The following ADGRG4 variants were observed in gnomAD, a reference collection of about 807,000 sequenced individuals.
ADGRG4 encodes adhesion G protein-coupled receptor G4.
ADGRG4 carries 122 observed loss-of-function variants against 126.2 expected under a neutral mutation model. The ratio of observed to expected loss-of-function variants is 0.97; its 90% CI spans 0.83 to 1.12. The LOEUF (loss-of-function observed/expected upper bound fraction) is 1.12. Among genes scored for constraint, ADGRG4 ranks in the 50% most tolerant of loss-of-function variants. ADGRG4 has a pLI of 0.00. For missense variants in ADGRG4, 2,481 were observed against 2,251.8 expected, an observed-to-expected ratio of 1.10 and a Z score of -2.06; for synonymous variants, 943 against 838.7, an observed-to-expected ratio of 1.12 and a Z score of -2.15.
chrX:136,390,078 T>G (rs779930555), intron 16 of ADGRG4, among the ~76,000 whole-genome samples: 10 of 111,987 alleles, frequency 8.9e-5, no homozygotes, highest in Non-Finnish European at 1.3e-4. Context: ...AAAGACAGGA[T>G]CTCGCTCTGC....
At chrX:136,409,690 C>A (rs992813101) in intron 23 of ADGRG4, among the ~76,000 whole-genome samples, 2 of 111,929 alleles carry the variant, frequency 1.8e-5, no homozygotes, top group Non-Finnish European at 3.8e-5. Context: ...CAGATTGCTG[C>A]CTCCCACCTG....
At position 136,405,713 on chromosome X, in the gene ADGRG4, T is replaced by C; in HGVS notation, c.8676T>C (p.Ser2892=). 1.7e-6 allele frequency: 2 copies of C among 1,174,059 alleles called. No individual in the cohort carries two copies. The highest frequency in any genetic ancestry group is 2.3e-6 in the Non-Finnish European group (2 of 872,246). Residue 2892 remains serine, a synonymous_variant, in exon 23 of 26, where the codon TCT becomes TCC. Coordinates refer to ENST00000394143, the MANE Select transcript of ADGRG4 (RefSeq NM_153834.4). ...ACAGTTGTTGGATTAAAGATGATTC[T>C]ATCTTTTACATCTCAGTGGTGGCTT... The part of the protein sequence containing the change: ...TTPFCWIKDD[S]IFYISVVAYF...
chrX:136,345,749 T>A lies in ADGRG4; in HGVS notation c.2043T>A (p.Asn681Lys), dbSNP rs764584377. 1.7e-6 allele frequency: 2 copies of A among 1,208,889 alleles called. No homozygotes were observed. The highest frequency in any genetic ancestry group is 1.8e-5 in the African/African-American group (1 of 57,027). ...TACTCACATTTGTGCCTAATGAAAA[T>A]TTTACATCAGCATTTCATGAGAATA... Reference protein sequence around the residue: ...TTILTFVPNENFTSAFHENTT... With the variant: ...TTILTFVPNEKFTSAFHENTT... The change falls in exon 6 of 26, where the codon AAT (asparagine) becomes AAA (lysine). Residue 681 changes from asparagine (N) to lysine (K), a missense_variant. Physicochemically the swap from Asn to Lys is moderately conservative, Grantham distance 94 (BLOSUM62 0). Transcript: ENST00000394143.
At chrX:136,360,530 G>A (rs2075121867) in intron 11 of ADGRG4, among the ~76,000 whole-genome samples, 2 of 110,923 alleles carry the variant, frequency 1.8e-5, no homozygotes, top group Non-Finnish European at 3.8e-5. Flanking sequence ...ATCACTTAAG[G>A]TCAAGAGTTT....
chrX:136,370,252 C>T (rs1382258546), intron 13 of ADGRG4, among the ~76,000 whole-genome samples: 1 of 112,083 alleles, frequency 8.9e-6, no homozygotes, highest in Non-Finnish European at 1.9e-5. Context: ...TGGAATTTTT[C>T]TTAACAAATG....
chrX:136,361,960 G>A (rs764163665), intron 12 of ADGRG4, among the ~76,000 whole-genome samples: 3 of 111,583 alleles, frequency 2.7e-5, no homozygotes, highest in African/African-American at 9.8e-5. Context: ...TATCAATAAT[G>A]TAATTTACCA....
intron 15 of ADGRG4, among the ~76,000 whole-genome samples, chrX:136,379,770 A>G (rs994736874): frequency 8.1e-5 from 9 of 110,693 alleles, no homozygotes; most frequent in African/African-American, 3.0e-4. Flanking sequence ...GTTGAATAAC[A>G]AGTCCCCATT....
Position 136,344,969 on chromosome X carries a change from A to C in ADGRG4, c.1263A>C (p.Lys421Asn). 1 of 1,211,006 alleles carries C rather than the reference A, an allele frequency of 8.3e-7. No homozygotes were observed. Among genetic ancestry groups the C allele is most frequent in the Non-Finnish European group, 1.1e-6 (1 of 894,986 alleles). The change falls in exon 6 of 26, where the codon AAA becomes AAC. Residue 421 changes from lysine to asparagine, a missense_variant. Physicochemically the swap from Lys to Asn is moderately conservative, Grantham distance 94. Transcript: ENST00000394143. Reference sequence around the variant, plus strand: ...CTACAACACCTTGTCTCAAACAAAAATCCACAAATACTGGGGCACTCCCTA... The same window carrying C: ...CTACAACACCTTGTCTCAAACAAAACTCCACAAATACTGGGGCACTCCCTA... Reference protein sequence around the residue: ...SMSTTPCLKQKSTNTGALPIS... With the variant: ...SMSTTPCLKQNSTNTGALPIS...
chrX:136,402,583 A>G (rs1569338415), intron 21 of ADGRG4, among the ~76,000 whole-genome samples: 1 of 111,722 alleles, frequency 9.0e-6, no homozygotes, highest in Non-Finnish European at 1.9e-5. Flanking sequence ...TTAGTCTAGG[A>G]GAAATACAAT....
chrX:136,387,847 T>C lies in ADGRG4; in HGVS notation c.7884T>C (p.Asn2628=), dbSNP rs777902582. 2 of 1,209,612 alleles carry C rather than the reference T, an allele frequency of 1.7e-6. No homozygotes were observed. The highest frequency in any genetic ancestry group is 3.5e-5 in the South Asian group (2 of 56,699). The change falls in exon 16 of 26, where the codon AAT becomes AAC. Residue 2628 remains asparagine (N), a synonymous_variant. Transcript: ENST00000394143. ...GCAACTTACAAACGATCTTGTTTAA[T>C]TTCTTTGGCCAAACTTCACTCTTTA... is the stretch of plus-strand genomic sequence containing the variant. ...PLSNLQTILF[N]FFGQTSLFKT...
chrX:136,368,019 T>C (rs918140063), intron 13 of ADGRG4, among the ~76,000 whole-genome samples: 2 of 111,770 alleles, frequency 1.8e-5, no homozygotes, highest in African/African-American at 6.5e-5. Context: ...CATTCCACCA[T>C]CAGGGCAGGA....
At chrX:136,356,492 G>T (rs1045156534) in intron 9 of ADGRG4, among the ~76,000 whole-genome samples, 21 of 111,947 alleles carry the variant, frequency 1.9e-4, no homozygotes, top group African/African-American at 5.8e-4. Context: ...TTGCAAGACT[G>T]GCATTCACAC....
intron 15 of ADGRG4, among the ~76,000 whole-genome samples, chrX:136,379,218 A>G (rs1273336767): frequency 9.0e-6 from 1 of 111,242 alleles, no homozygotes; most frequent in African/African-American, 3.3e-5. Flanking sequence ...GGATAGTTGT[A>G]TTTTTCTAAG....
Position 136,347,591 on chromosome X carries a change from A to C in ADGRG4, c.3885A>C (p.Glu1295Asp), listed in dbSNP as rs1255341299. Residue 1295 changes from glutamate to aspartate, a missense_variant, in exon 6 of 26, where the codon GAA becomes GAC. By Grantham distance (45) the Glu-to-Asp change is conservative. Transcript: ENST00000394143. ...ISYSRGTPSL[E>D]MTDTGFPETT... ...ACTCCCGGGGTACTCCATCTTTGGA[A>C]ATGACAGATACAGGATTTCCTGAGA... is the stretch of plus-strand genomic sequence containing the variant. 8.3e-7 allele frequency: 1 copy of C among 1,206,720 alleles called. No homozygotes were observed. The highest frequency in any genetic ancestry group is 1.1e-6 in the Non-Finnish European group (1 of 892,876).
At chrX:136,361,378 G>GTAA (rs1167737940) in intron 11 of ADGRG4, 77 bp from the exon 12 acceptor site, 1 of 344,638 alleles carries the variant, frequency 2.9e-6, no homozygotes, top group African/African-American at 2.8e-5. Flanking sequence ...TTATTATATA[G>GTAA]TAATAATAAT....
At position 136,372,970 on chromosome X, in the gene ADGRG4, T is replaced by C; in HGVS notation, c.7682T>C (p.Val2561Ala). The C allele has an allele frequency of 8.3e-7, 1 of 1,210,880 alleles. No individual in the cohort carries two copies. Among genetic ancestry groups the C allele is most frequent in the Non-Finnish European group, 1.1e-6 (1 of 894,902 alleles). The change falls in exon 15 of 26, where the codon GTG becomes GCG. Residue 2561 changes from valine to alanine, a missense_variant. Coordinates refer to ENST00000394143, the MANE Select transcript of ADGRG4 (RefSeq NM_153834.4). ...TCTGGGCAGATAGCAAATCTGACGG[T>C]GGCCGGGCTGGCTTTGGCTGTGCTG... ...EFSGQIANLT[V>A]AGLALAVLRG... is the part of the protein sequence containing the mutation.
intron 23 of ADGRG4, among the ~76,000 whole-genome samples, chrX:136,412,059 G>A (rs1156902837): frequency 3.6e-5 from 4 of 112,429 alleles, no homozygotes; most frequent in Non-Finnish European, 7.5e-5. Flanking sequence ...AGCAGTCCAG[G>A]GGCAAAACAG....
intron 9 of ADGRG4, among the ~76,000 whole-genome samples, 189 bp downstream of exon 9, chrX:136,356,354 G>T (rs1488853431): frequency 9.0e-6 from 1 of 111,064 alleles, no homozygotes; most frequent in East Asian, 2.8e-4. Flanking sequence ...CTGCTTTTTT[G>T]AACTATCCAT....
chrX:136,315,906 C>A lies in ADGRG4; in HGVS notation c.71-6872C>A, dbSNP rs1230625418. Among the ~76,000 whole-genome samples the A allele has an allele frequency of 9.9e-5, 11 of 111,540 alleles. No individual in the cohort carries two copies. In the East Asian group the frequency reaches 3.1e-3, roughly 32 times the overall value. ...AATAACACCAAATATTGCCAGAAAA[C>A]CACCAGAAACTAGGAAAGAGGCATA... On this transcript the variant is annotated intron_variant, in intron 4 of 25. Transcript: ENST00000394143.
Sources: gnomAD v4.1 joint callset for allele counts (sites outside exome capture counted in the v4.1 genomes callset) on GRCh38, gnomAD v4.1.1 for gene constraint, MANE v1.5 for transcripts, NCBI Gene and HGNC (gene_info 2026-07-23, HGNC 2026-07-21) for gene names.